The following NAV3 variants were observed in gnomAD, a reference collection of about 807,000 sequenced individuals.
NAV3 encodes the protein neuron navigator 3.
A neutral mutation model predicts 244.7 loss-of-function variants in NAV3; 87 were observed. The observed-to-expected ratio is 0.36, with a 90% CI of 0.30 to 0.42. The LOEUF (loss-of-function observed/expected upper bound fraction) is 0.42, where lower values mean the gene tolerates loss of function less well. Among genes scored for constraint, NAV3 ranks in the 20% least tolerant of loss-of-function variants. NAV3 has a pLI of 1.00. For synonymous variants in NAV3, 1,126 were observed against 1,042.2 expected (o/e 1.08, Z -1.55); for missense variants, 2,663 against 2,893.3 (o/e 0.92, Z 1.83).
chr12:77,860,089 A>G (rs1246564606), intron 1 of NAV3, among the ~76,000 whole-genome samples: 2 of 151,916 alleles, frequency 1.3e-5, no homozygotes. Flanking sequence ...AAAGGGAAGA[A>G]TATTGTAAGT....
chr12:77,766,735 G>GTTTGTTTGTTTTTTT (rs1555202961), intron 2 of NAV3, among the ~76,000 whole-genome samples: 10 of 60,514 alleles, frequency 1.7e-4, no homozygotes, highest in Non-Finnish European at 2.1e-4. Flanking sequence ...AGGCAATTAA[G>GTTTGTTTGTTTTTTT]TTTTTTTTTT....
At chr12:77,990,820 C>A (rs1446738020) in intron 5 of NAV3, among the ~76,000 whole-genome samples, 1 of 151,932 alleles carries the variant, frequency 6.6e-6, no homozygotes, top group African/African-American at 2.4e-5. Flanking sequence ...ATTTTTCTTG[C>A]AATTTATTTG....
In NAV3 at chr12:77,666,188, T is replaced by G. The variant is rs961667591; in HGVS notation, c.72+93922T>G. Among the ~76,000 whole-genome samples, 10 of 150,434 alleles carry G rather than the reference T, an allele frequency of 6.6e-5. No individual in the cohort carries two copies. The East Asian group carries it at 1.5e-3, about 23-fold the overall frequency. ...TAGCAACATGTTTACAGTTTTTTTT[T>G]TTTTTTTTTTGTCTAGTCAGGGGTC... is the stretch of plus-strand genomic sequence containing the variant. On this transcript the variant is annotated intron_variant, in intron 2 of 8. Transcript: ENST00000550042.
In NAV3 at chr12:78,168,737, ACT is replaced by A. The variant is rs773586442; in HGVS notation, c.4870-15_4870-14del. ...TTCTTTCGGGTACTAAAGCTTCCAA[ACT>A]CTGTTTATTCCACAGGAATCTGAAC... On this transcript the variant is annotated splice_polypyrimidine_tract_variant and intron_variant, in intron 23 of 39. Coordinates refer to ENST00000397909, the MANE Select transcript of NAV3 (RefSeq NM_001024383.2). 1.9e-6 allele frequency: 3 copies of A among 1,547,340 alleles called. No homozygotes were observed. Among genetic ancestry groups the A allele is most frequent in the Non-Finnish European group, 1.8e-6 (2 of 1,130,940 alleles).
At chr12:77,625,557 G>T (rs961931808) in intron 2 of NAV3, among the ~76,000 whole-genome samples, 14 of 152,028 alleles carry the variant, frequency 9.2e-5, no homozygotes, top group Admixed American at 9.2e-4. Context: ...ATCCACATCT[G>T]GCCCACTGCC....
At chr12:77,780,612 G>A (rs1489382893) in intron 2 of NAV3, among the ~76,000 whole-genome samples, 4 of 152,120 alleles carry the variant, frequency 2.6e-5, no homozygotes, top group South Asian at 2.1e-4. Flanking sequence ...GCTATGAGGC[G>A]AGTTATTGAA....
intron 2 of NAV3, among the ~76,000 whole-genome samples, chr12:77,581,535 G>C (rs1374997627): frequency 6.6e-6 from 1 of 152,110 alleles, no homozygotes; most frequent in Non-Finnish European, 1.5e-5. Flanking sequence ...TGGTAAAGTA[G>C]TTCTTTAGTG....
At position 78,049,081 on chromosome 12, in the gene NAV3, A is replaced by G. The variant is rs565748624; in HGVS notation, c.2024-912A>G. Among the ~76,000 whole-genome samples the G allele has an allele frequency of 1.2e-3, 181 of 152,270 alleles. 1 individual carries two copies. The highest frequency in any genetic ancestry group is 1.8e-3 in the Non-Finnish European group (120 of 68,008). ...GTTGCCCCTCCCCCCACCAAGCTCCAGGGTCCCAGGTGTCCTTCAGACTGC... is the reference window on the plus strand; with the variant it reads ...GTTGCCCCTCCCCCCACCAAGCTCCGGGGTCCCAGGTGTCCTTCAGACTGC... On this transcript the variant is annotated intron_variant, in intron 9 of 39. Coordinates refer to ENST00000397909, the MANE Select transcript of NAV3 (RefSeq NM_001024383.2).
chr12:77,897,441 T>C (rs1403424558), intron 1 of NAV3, among the ~76,000 whole-genome samples: 4 of 152,232 alleles, frequency 2.6e-5, no homozygotes, highest in Admixed American at 2.6e-4. Flanking sequence ...CATTCTCTTT[T>C]GCCCTTTCAC....
intron 22 of NAV3, among the ~76,000 whole-genome samples, chr12:78,157,876 T>A (rs446423): frequency 0.62 from 94,028 of 151,736 alleles, 29,898 homozygotes; most frequent in East Asian, 0.92. Flanking sequence ...GATAGATTAA[T>A]CTTTAGTAGA....
chr12:77,732,800 A>T (rs181069193), intron 2 of NAV3, among the ~76,000 whole-genome samples: 5 of 152,186 alleles, frequency 3.3e-5, no homozygotes, highest in African/African-American at 1.2e-4. Flanking sequence ...TATCTGCAGT[A>T]ACTACACTGT....
chr12:78,208,882 C>G (rs1960607219), intron 39 of NAV3, among the ~76,000 whole-genome samples: 1 of 152,012 alleles, frequency 6.6e-6, no homozygotes, highest in African/African-American at 2.4e-5. Context: ...AACATACAGG[C>G]AGCTGCTAAT....
intron 2 of NAV3, among the ~76,000 whole-genome samples, chr12:77,724,032 C>A (rs1876765837): frequency 2.0e-5 from 3 of 151,494 alleles, no homozygotes; most frequent in Admixed American, 6.6e-5. Flanking sequence ...TTTCTACATC[C>A]ATTAAATGGG....
intron 2 of NAV3, among the ~76,000 whole-genome samples, chr12:77,676,880 G>A (rs747988004): frequency 2.0e-5 from 3 of 152,154 alleles, no homozygotes; most frequent in Non-Finnish European, 4.4e-5. Flanking sequence ...TAGGGTTAGG[G>A]TAAGGGTGAG....
At chr12:78,191,195 C>T (rs2139895016) in intron 34 of NAV3, among the ~76,000 whole-genome samples, 1 of 152,130 alleles carries the variant, frequency 6.6e-6, no homozygotes. Flanking sequence ...AGGCATATAG[C>T]TTAATGAACA....
At chr12:78,208,156 G>C (rs1048762682) in intron 39 of NAV3, among the ~76,000 whole-genome samples, 1 of 152,110 alleles carries the variant, frequency 6.6e-6, no homozygotes, top group Non-Finnish European at 1.5e-5. Context: ...ATGAACTTAC[G>C]GTGGAAAGTG....
At chr12:77,658,244 A>G (rs1387767556) in intron 2 of NAV3, among the ~76,000 whole-genome samples, 1 of 152,118 alleles carries the variant, frequency 6.6e-6, no homozygotes, top group Admixed American at 6.5e-5. Flanking sequence ...TAAGCTGATA[A>G]GCAACTTCAG....
intron 2 of NAV3, among the ~76,000 whole-genome samples, chr12:77,606,777 C>T (rs1870688701): frequency 6.6e-6 from 1 of 152,114 alleles, no homozygotes; most frequent in South Asian, 2.1e-4. Flanking sequence ...CAACCTTATG[C>T]TGGCTTCCCT....
chr12:78,183,195 C>T (rs558801493), intron 30 of NAV3, among the ~76,000 whole-genome samples: 1 of 151,938 alleles, frequency 6.6e-6, no homozygotes, highest in South Asian at 2.1e-4. Flanking sequence ...AACAAAAATA[C>T]AGAAGGCTCT....
Sources: allele counts gnomAD v4.1 joint callset (sites outside exome capture counted in the v4.1 genomes callset), GRCh38; gene constraint gnomAD v4.1.1; transcripts MANE v1.5; gene names NCBI Gene and HGNC (gene_info 2026-07-23, HGNC 2026-07-21).